Variants in NTN1 observed in about 807,000 individuals in gnomAD.
NTN1 encodes netrin 1.
NTN1 carries 11 observed loss-of-function variants against 54.2 expected under a neutral mutation model. The ratio of observed to expected loss-of-function variants is 0.20; its 90% CI spans 0.13 to 0.34. The LOEUF (loss-of-function observed/expected upper bound fraction) is 0.34. NTN1 is among the 10% of genes least tolerant of loss of function. NTN1 has a pLI of 1.00. For missense variants in NTN1, 740 were observed against 893.1 expected, an observed-to-expected ratio of 0.83 and a Z score of 2.18; for synonymous variants, 371 against 382.0, an observed-to-expected ratio of 0.97 and a Z score of 0.33.
chr17:9,187,011 A>G (rs566715831), intron 5 of NTN1, among the ~76,000 whole-genome samples: 1 of 152,250 alleles, frequency 6.6e-6, no homozygotes, highest in South Asian at 2.1e-4. Context: ...CATTTGTGAA[A>G]TGGGGTAATC....
At chr17:9,137,637 AC>A (rs2092284974) in intron 2 of NTN1, among the ~76,000 whole-genome samples, 2 of 152,154 alleles carry the variant, frequency 1.3e-5, no homozygotes, top group Non-Finnish European at 2.9e-5. Flanking sequence ...TACTAAAAAT[AC>A]AAAAAATTAG....
intron 2 of NTN1, among the ~76,000 whole-genome samples, chr17:9,079,412 T>C (rs1278577022): frequency 6.6e-6 from 1 of 152,242 alleles, no homozygotes; most frequent in East Asian, 1.9e-4. Context: ...GCTGGGGAGC[T>C]TATCTTCTCC....
chr17:9,106,284 G>A (rs555733756), intron 2 of NTN1, among the ~76,000 whole-genome samples: 3 of 152,296 alleles, frequency 2.0e-5, no homozygotes, highest in Admixed American at 6.5e-5. Flanking sequence ...TGGCAAATCT[G>A]GTTGTGTTTT....
intron 3 of NTN1, among the ~76,000 whole-genome samples, chr17:9,167,171 C>T (rs1379258513): frequency 6.6e-6 from 1 of 152,152 alleles, no homozygotes; most frequent in African/African-American, 2.4e-5. Context: ...AGCTGTTGTC[C>T]TATACAAAGG....
chr17:9,140,372 C>T (rs970180557), intron 2 of NTN1, among the ~76,000 whole-genome samples: 1 of 152,194 alleles, frequency 6.6e-6, no homozygotes, highest in Non-Finnish European at 1.5e-5. Context: ...CTGAAAACAA[C>T]AGAAGGAAAG....
chr17:9,021,158 G>T (rs1277345823), upstream of NTN1, among the ~76,000 whole-genome samples: 12 of 151,926 alleles, frequency 7.9e-5, no homozygotes, highest in Admixed American at 7.2e-4. Flanking sequence ...CCCCGCCCGC[G>T]CGCTCCCCCG....
At chr17:9,150,200 T>A (rs761631947) in intron 2 of NTN1, among the ~76,000 whole-genome samples, 28 of 151,892 alleles carry the variant, frequency 1.8e-4, no homozygotes, top group Non-Finnish European at 3.7e-4. Flanking sequence ...TGAAACCCCA[T>A]CTCAAAAAAT....
chr17:9,145,014 C>T (rs112180148), intron 2 of NTN1, among the ~76,000 whole-genome samples: 53 of 152,298 alleles, frequency 3.5e-4, no homozygotes, highest in Non-Finnish European at 6.2e-4. Context: ...GGTGGAGCGG[C>T]GGGGGCCAGT....
chr17:9,069,326 A>G (rs1283024177), intron 2 of NTN1, among the ~76,000 whole-genome samples: 2 of 152,126 alleles, frequency 1.3e-5, no homozygotes, highest in African/African-American at 2.4e-5. Flanking sequence ...AATGGAAATT[A>G]AGTTCTAGGG....
At chr17:9,116,347 C>A (rs1415279097) in intron 2 of NTN1, among the ~76,000 whole-genome samples, 1 of 148,880 alleles carries the variant, frequency 6.7e-6, no homozygotes, top group Non-Finnish European at 1.5e-5. Flanking sequence ...TTCACCACGT[C>A]TTTCTCATCC....
intron 6 of NTN1, among the ~76,000 whole-genome samples, chr17:9,228,118 C>G (rs1905663265): frequency 6.6e-6 from 1 of 152,146 alleles, no homozygotes; most frequent in African/African-American, 2.4e-5. Context: ...GGGAGACCGA[C>G]ATACAGACAA....
chr17:9,145,009 A>G (rs1239395694), intron 2 of NTN1, among the ~76,000 whole-genome samples: 1 of 152,184 alleles, frequency 6.6e-6, no homozygotes, highest in Admixed American at 6.5e-5. Flanking sequence ...CAGAAGGTGG[A>G]GCGGCGGGGG....
chr17:9,208,455 C>A (rs193259786), intron 5 of NTN1, among the ~76,000 whole-genome samples: 2 of 152,300 alleles, frequency 1.3e-5, no homozygotes, highest in African/African-American at 4.8e-5. Flanking sequence ...CGGTGACCTG[C>A]ACTGTGCTAG....
rs375250359 is a variant in NTN1 at position 9,212,373 on chromosome 17, C to T, written c.1412-8795C>T. Among the ~76,000 whole-genome samples the T allele has an allele frequency of 7.9e-5, 12 of 152,298 alleles. No individual in the cohort carries two copies. The South Asian group carries it at 2.3e-3, about 29-fold the overall frequency. On this transcript the variant is annotated intron_variant, in intron 5 of 6. Coordinates refer to ENST00000173229, the MANE Select transcript of NTN1 (RefSeq NM_004822.3). This position sits in a 1 kb window ranked among gnomAD's most constrained non-coding sequence, Gnocchi z 5.5. ...TCGCGCATGATGGCCCTTATGAAAC[C>T]CACGGATGCCTGCGGCACCTTGAAA...
chr17:9,104,197 G>A (rs980879807), intron 2 of NTN1, among the ~76,000 whole-genome samples: 1 of 152,002 alleles, frequency 6.6e-6, no homozygotes. Flanking sequence ...GGTTGCCCGA[G>A]GTTAGGGGAG....
At chr17:9,147,368 A>G (rs1055253233) in intron 2 of NTN1, among the ~76,000 whole-genome samples, 8 of 152,218 alleles carry the variant, frequency 5.3e-5, no homozygotes, top group African/African-American at 1.9e-4. Context: ...TGAATAAATT[A>G]GCCGGGCATA....
chr17:9,050,393 G>C (rs2091956622), intron 2 of NTN1, among the ~76,000 whole-genome samples: 1 of 152,038 alleles, frequency 6.6e-6, no homozygotes, highest in African/African-American at 2.4e-5. Flanking sequence ...GCTGGGGCCA[G>C]GCGTGGTGGC....
At chr17:9,088,033 G>A (rs2092095223) in intron 2 of NTN1, among the ~76,000 whole-genome samples, 1 of 152,186 alleles carries the variant, frequency 6.6e-6, no homozygotes. Context: ...CCTCCCCAGA[G>A]GCAGGAACGA....
Position 9,212,523 on chromosome 17 carries a change from T to G in NTN1, c.1412-8645T>G, listed in dbSNP as rs1905131105. ...GCCTCATTTGCCTTTTGTCACCTGC[T>G]GGTGGGCAGAATGGCCCAGCCGAAA... On this transcript the variant is annotated intron_variant, in intron 5 of 6. Transcript: ENST00000173229. This position sits in a 1 kb window ranked among gnomAD's most constrained non-coding sequence, Gnocchi z 5.5. Among the ~76,000 whole-genome samples the G allele has an allele frequency of 6.6e-6, 1 of 152,254 alleles. No homozygotes were observed. The highest frequency in any genetic ancestry group is 1.5e-5 in the Non-Finnish European group (1 of 68,040).
Sources: gnomAD v4.1 joint callset for allele counts (sites outside exome capture counted in the v4.1 genomes callset) on GRCh38, gnomAD v4.1.1 for gene constraint, Gnocchi (gnomAD v3.1) non-coding constraint, MANE v1.5 for transcripts, NCBI Gene and HGNC (gene_info 2026-07-23, HGNC 2026-07-21) for gene names.